The following DSCAM variants were observed in gnomAD, a reference collection of about 807,000 sequenced individuals.
The protein encoded by DSCAM is cell adhesion molecule DSCAM.
In DSCAM, 47 loss-of-function variants were observed where a neutral mutation model predicts 217.7. That is an observed-to-expected ratio of 0.22 (90% CI 0.17 to 0.28). The LOEUF is 0.28. Among genes scored for constraint, DSCAM ranks in the 10% least tolerant of loss-of-function variants. DSCAM has a pLI of 1.00. For synonymous variants in DSCAM, 1,056 were observed against 1,015.3 expected (o/e 1.04, Z -0.76); for missense variants, 2,080 against 2,618.3 (o/e 0.79, Z 4.49).
intron 10 of DSCAM, among the ~76,000 whole-genome samples, chr21:40,291,644 C>T (rs1451386699): frequency 6.6e-6 from 1 of 152,228 alleles, no homozygotes; most frequent in Non-Finnish European, 1.5e-5. Context: ...TTCCGGTCTC[C>T]CTCGGAGGAC....
chr21:40,471,080 G>A (rs773100186), intron 3 of DSCAM, among the ~76,000 whole-genome samples: 7 of 152,068 alleles, frequency 4.6e-5, no homozygotes, highest in Admixed American at 2.6e-4. Context: ...GTGTCAGAGC[G>A]GATAAAAACA....
chr21:40,389,948 C>A (rs1166233282), intron 3 of DSCAM, among the ~76,000 whole-genome samples: 1 of 152,200 alleles, frequency 6.6e-6, no homozygotes, highest in East Asian at 1.9e-4. Flanking sequence ...AGCTACAAGT[C>A]TGGGTGTTTC....
At chr21:40,258,425 T>C (rs543130286) in intron 11 of DSCAM, among the ~76,000 whole-genome samples, 43 of 152,302 alleles carry the variant, frequency 2.8e-4, no homozygotes, top group African/African-American at 9.9e-4. Context: ...TAAAGTGAAA[T>C]ATGAGCTACT....
At chr21:40,335,087 G>C (rs1187871158) in intron 8 of DSCAM, among the ~76,000 whole-genome samples, 1 of 151,968 alleles carries the variant, frequency 6.6e-6, no homozygotes, top group Non-Finnish European at 1.5e-5. Flanking sequence ...CCTTTACCTA[G>C]GATGTCCCTT....
At chr21:40,626,365 C>G (rs2089601117) in intron 3 of DSCAM, among the ~76,000 whole-genome samples, 1 of 152,254 alleles carries the variant, frequency 6.6e-6, no homozygotes, top group South Asian at 2.1e-4. Flanking sequence ...CCTGAAATAA[C>G]CCCCATCTGA....
At chr21:40,577,985 G>A (rs892381111) in intron 3 of DSCAM, among the ~76,000 whole-genome samples, 1 of 152,206 alleles carries the variant, frequency 6.6e-6, no homozygotes, top group Non-Finnish European at 1.5e-5. Context: ...CCAAGATGGA[G>A]TCTATCTGGC....
chr21:40,762,689 T>G (rs2091347272), intron 1 of DSCAM, among the ~76,000 whole-genome samples: 1 of 152,162 alleles, frequency 6.6e-6, no homozygotes, highest in Non-Finnish European at 1.5e-5. Flanking sequence ...ATATCCCTGA[T>G]GAACATCGAT....
intron 6 of DSCAM, among the ~76,000 whole-genome samples, chr21:40,342,648 A>ATATATATATATATATTT (rs61637421): frequency 2.5e-5 from 2 of 80,322 alleles, no homozygotes; most frequent in African/African-American, 1.0e-4. Context: ...ATATATATAT[A>ATATATATATATATATTT]TTTTTTTTTT....
intron 3 of DSCAM, among the ~76,000 whole-genome samples, chr21:40,469,124 AT>A (rs1188507646): frequency 3.3e-5 from 5 of 152,210 alleles, no homozygotes; most frequent in African/African-American, 1.2e-4. Flanking sequence ...AAGGTCAGCA[AT>A]CAGAACTATA....
Position 40,142,615 on chromosome 21 carries a change from A to G in DSCAM, c.3349T>C (p.Leu1117=). 1 of 1,614,182 alleles carries G rather than the reference A, an allele frequency of 6.2e-7. No homozygotes were observed. Among genetic ancestry groups the G allele is most frequent in the Non-Finnish European group, 8.5e-7 (1 of 1,180,024 alleles). The stretch of plus-strand genomic sequence containing the variant: ...CTGAACCCCTGGAGAATTCCATTCA[A>G]GGCTTCCTTGGAAAGTGTGGACCAG... The part of the protein sequence containing the change: ...ISWSTLSKEA[L]NGILQGFRVI... Residue 1117 remains leucine (L), a synonymous_variant, in exon 18 of 33, where the codon TTG becomes CTG. Transcript: ENST00000400454.
At chr21:40,268,855 G>A (rs1160112565) in intron 11 of DSCAM, among the ~76,000 whole-genome samples, 2 of 152,108 alleles carry the variant, frequency 1.3e-5, no homozygotes, top group African/African-American at 2.4e-5. Flanking sequence ...TCGGGAAGCT[G>A]AGGCAGGAGA....
At chr21:40,559,796 T>C (rs995340235) in intron 3 of DSCAM, among the ~76,000 whole-genome samples, 9 of 148,076 alleles carry the variant, frequency 6.1e-5, no homozygotes, top group Non-Finnish European at 1.0e-4. Flanking sequence ...CTTTTTTTTT[T>C]TTTTTTTTTT....
intron 8 of DSCAM, among the ~76,000 whole-genome samples, chr21:40,334,125 G>A (rs892315569): frequency 5.9e-5 from 9 of 152,036 alleles, no homozygotes; most frequent in Non-Finnish European, 1.3e-4. Context: ...TAAAATCTGC[G>A]GTGTAGTGCA....
chr21:40,843,642 T>C (rs1177668504), intron 1 of DSCAM, among the ~76,000 whole-genome samples: 1 of 152,116 alleles, frequency 6.6e-6, no homozygotes, highest in Non-Finnish European at 1.5e-5. Flanking sequence ...ACGTGTACCT[T>C]GGCTCCTTGC....
intron 11 of DSCAM, among the ~76,000 whole-genome samples, chr21:40,228,644 T>TC (rs2091355078): frequency 7.8e-6 from 1 of 127,546 alleles, no homozygotes. Context: ...ACCTCTTTTC[T>TC]TTTTTTTTTT....
At chr21:40,355,960 G>A (rs764247534) in intron 4 of DSCAM, among the ~76,000 whole-genome samples, 6 of 152,100 alleles carry the variant, frequency 3.9e-5, no homozygotes, top group Non-Finnish European at 8.8e-5. Flanking sequence ...ATTGCAAATG[G>A]GAAGATTTGC....
At chr21:40,478,616 G>A (rs1056501408) in intron 3 of DSCAM, among the ~76,000 whole-genome samples, 8 of 152,102 alleles carry the variant, frequency 5.3e-5, no homozygotes, top group Non-Finnish European at 8.8e-5. Flanking sequence ...TTTAATTTCA[G>A]GTGTTGAACT....
chr21:40,809,381 A>G (rs2091817221), intron 1 of DSCAM, among the ~76,000 whole-genome samples: 1 of 152,234 alleles, frequency 6.6e-6, no homozygotes, highest in Non-Finnish European at 1.5e-5. Flanking sequence ...AGGGATGGGA[A>G]GTGACTTCAA....
chr21:40,648,470 T>C (rs2410262), intron 3 of DSCAM, among the ~76,000 whole-genome samples: 3 of 151,832 alleles, frequency 2.0e-5, no homozygotes, highest in East Asian at 3.9e-4. Flanking sequence ...TGGGTCCCCA[T>C]TGAAACCCAA....
Sources: allele counts gnomAD v4.1 joint callset (sites outside exome capture counted in the v4.1 genomes callset), GRCh38; gene constraint gnomAD v4.1.1; transcripts MANE v1.5; gene names NCBI Gene and HGNC (gene_info 2026-07-23, HGNC 2026-07-21).